The following IL23R variants were observed in gnomAD, a reference collection of about 807,000 sequenced individuals.
The protein encoded by IL23R is interleukin-23 receptor.
In IL23R, 34 loss-of-function variants were observed where a neutral mutation model predicts 56.9. The ratio of observed to expected loss-of-function variants is 0.60; its 90% confidence interval spans 0.45 to 0.80. IL23R has a LOEUF of 0.80. Ranked by LOEUF, IL23R falls within the 30% of genes least tolerant of loss-of-function variation. The pLI, the probability that IL23R is intolerant of heterozygous loss-of-function variation, is 0.00. For synonymous variants in IL23R, 230 were observed against 249.2 expected (o/e 0.92, Z 0.73); for missense variants, 635 against 730.0 (o/e 0.87, Z 1.50).
chr1:67,186,555 C>T (rs1395538009), intron 4 of IL23R, among the ~76,000 whole-genome samples: 1 of 152,142 alleles, frequency 6.6e-6, no homozygotes, highest in African/African-American at 2.4e-5. Context: ...GATTTGCCTA[C>T]ACTGGACACT....
intron 7 of IL23R, among the ~76,000 whole-genome samples, chr1:67,227,888 G>A (rs1359623396): frequency 6.6e-6 from 1 of 152,144 alleles, no homozygotes; most frequent in Non-Finnish European, 1.5e-5. Context: ...AAACAATTCA[G>A]AAGAGTTCCA....
In IL23R at chr1:67,151,097, C is replaced by T. The variant is rs373851825; in HGVS notation, c.-634+11936C>T. 1.6e-4 allele frequency among the ~76,000 whole-genome samples: 25 copies of T among 152,254 alleles called. 1 individual carries two copies. The highest frequency in any genetic ancestry group is 7.2e-4 in the Admixed American group (11 of 15,284). On this transcript the variant is annotated intron_variant, in intron 1 of 10. Coordinates refer to the IL23R transcript ENST00000637002. ...CAGTGTGAAAGCATTCCTATTTCTC[C>T]GCAGCCTCACCAGCATCTATTGTTT...
At chr1:67,168,785 C>T (rs1308987354) in intron 2 of IL23R, among the ~76,000 whole-genome samples, 2 of 152,066 alleles carry the variant, frequency 1.3e-5, no homozygotes, top group African/African-American at 4.8e-5. Context: ...AGTAGGAGAG[C>T]TAATTATATT....
At chr1:67,230,490 T>C (rs763883008) in intron 7 of IL23R, among the ~76,000 whole-genome samples, 9 of 152,212 alleles carry the variant, frequency 5.9e-5, no homozygotes, top group Non-Finnish European at 1.0e-4. Context: ...CTCTGTATGG[T>C]CCTTGTCATT....
intron 1 of IL23R, among the ~76,000 whole-genome samples, chr1:67,155,381 A>G (rs558658944): frequency 6.6e-6 from 1 of 152,104 alleles, no homozygotes; most frequent in Non-Finnish European, 1.5e-5. Context: ...ATCCTGAAAT[A>G]TGTTTTCCAA....
chr1:67,168,062 A>G (rs1281780684), intron 1 of IL23R, 30 bp from the exon 2 acceptor site: 1 of 1,219,772 alleles, frequency 8.2e-7, no homozygotes, highest in Non-Finnish European at 1.2e-6. Flanking sequence ...AAATACTACA[A>G]TTTAAACATT....
At chr1:67,202,402 A>C (rs532134495) in intron 5 of IL23R, among the ~76,000 whole-genome samples, 1 of 152,160 alleles carries the variant, frequency 6.6e-6, no homozygotes, top group African/African-American at 2.4e-5. Flanking sequence ...ATGGCTATAT[A>C]GATTTTTGTA....
At chr1:67,208,634 A>G (rs866114274) in intron 6 of IL23R, among the ~76,000 whole-genome samples, 10 of 152,272 alleles carry the variant, frequency 6.6e-5, no homozygotes, top group Admixed American at 1.3e-4. Flanking sequence ...AGGTTTGGGA[A>G]CCTCCACCTA....
intron 1 of IL23R, among the ~76,000 whole-genome samples, chr1:67,150,861 G>C (rs549462177): frequency 6.6e-6 from 1 of 152,088 alleles, no homozygotes; most frequent in Non-Finnish European, 1.5e-5. Context: ...TCATTGATGG[G>C]TATTTGGGTT....
chr1:67,182,919 C>G lies in IL23R; in HGVS notation c.451C>G (p.Leu151Val). ...NMTCTWNAGK[L>V]TYIDTKYVVH... ...GACTTGCACCTGGAATGCTGGGAAG[C>G]TCACCTACATAGACACAAAATACGT... is the stretch of plus-strand genomic sequence containing the variant. Residue 151 changes from leucine to valine, a missense_variant, in exon 4 of 11, where the codon CTC becomes GTC. Leu to Val is a conservative substitution (Grantham distance 32, BLOSUM62 1). Coordinates refer to ENST00000347310, the MANE Select transcript of IL23R (RefSeq NM_144701.3). 1 of 1,614,134 alleles carries G rather than the reference C, an allele frequency of 6.2e-7. No individual in the cohort carries two copies. The highest frequency in any genetic ancestry group is 8.5e-7 in the Non-Finnish European group (1 of 1,179,984).
intron 6 of IL23R, among the ~76,000 whole-genome samples, chr1:67,209,323 T>C (rs1364809479): frequency 6.6e-6 from 1 of 152,178 alleles, no homozygotes; most frequent in Non-Finnish European, 1.5e-5. Flanking sequence ...GACACGAATT[T>C]GGAGGGGCCA....
intron 7 of IL23R, among the ~76,000 whole-genome samples, chr1:67,233,746 T>A (rs1281805866): frequency 6.6e-6 from 1 of 152,132 alleles, no homozygotes; most frequent in African/African-American, 2.4e-5. Flanking sequence ...TATTCAAGTA[T>A]GTCCTGTGAG....
upstream of IL23R, among the ~76,000 whole-genome samples, chr1:67,162,133 A>G (rs1646827452): frequency 1.3e-5 from 2 of 152,000 alleles, no homozygotes; most frequent in Admixed American, 1.3e-4. Context: ...TATAAATTTT[A>G]TCCAATGTTT....
rs78543478 is a variant in IL23R, at chr1:67,167,734, T to G, written c.-29-358T>G. Reference sequence around the variant, plus strand: ...GCCTGGCCCTTGTCTCTAAAAAAATTTAAAACATAAAATAAAAAAAGAAGT... The same window carrying G: ...GCCTGGCCCTTGTCTCTAAAAAAATGTAAAACATAAAATAAAAAAAGAAGT... On this transcript the variant is annotated intron_variant, in intron 1 of 10. Coordinates refer to ENST00000347310, the MANE Select transcript of IL23R (RefSeq NM_144701.3). 3.9e-5 allele frequency among the ~76,000 whole-genome samples: 6 copies of G among 152,126 alleles called. No homozygotes were observed. The East Asian group carries it at 1.2e-3, about 29-fold the overall frequency.
At chr1:67,154,776 TAG>T (rs1431056645) in intron 1 of IL23R, among the ~76,000 whole-genome samples, 11 of 152,212 alleles carry the variant, frequency 7.2e-5, no homozygotes, top group Non-Finnish European at 1.6e-4. Context: ...TTGGGGCATT[TAG>T]CCCATTTACA....
intron 6 of IL23R, among the ~76,000 whole-genome samples, chr1:67,213,413 T>C (rs1315639205): frequency 6.6e-6 from 1 of 152,076 alleles, no homozygotes; most frequent in Non-Finnish European, 1.5e-5. Flanking sequence ...AAAGTCACAG[T>C]ATTGAGGGTG....
In IL23R at chr1:67,259,102, A is replaced by G. The variant is rs369367934; in HGVS notation, c.1864A>G (p.Asn622Asp). The G allele has an allele frequency of 1.2e-6, 2 of 1,613,798 alleles. No individual in the cohort carries two copies. The highest frequency in any genetic ancestry group is 1.7e-5 in the Admixed American group (1 of 59,960). The change falls in exon 11 of 11, where the codon AAT becomes GAT. Residue 622 changes from asparagine (N) to aspartate (D), a missense_variant. Asn to Asp is a conservative substitution (Grantham distance 23, BLOSUM62 1). Coordinates refer to ENST00000347310, the MANE Select transcript of IL23R (RefSeq NM_144701.3). ...ACAAAATATTTTGGAAAGCCACTTC[A>G]ATAGGATTTCACTCTTGGAAAAGTA... is the stretch of plus-strand genomic sequence containing the variant. ...FPQNILESHFNRISLLEK is the reference protein window; with the variant it reads ...FPQNILESHFDRISLLEK
chr1:67,196,776 TA>T (rs1444446636), intron 4 of IL23R, among the ~76,000 whole-genome samples: 3 of 152,130 alleles, frequency 2.0e-5, no homozygotes, highest in Non-Finnish European at 4.4e-5. Context: ...TTTTAATGCT[TA>T]AAAAAATGCT....
chr1:67,236,742 C>A lies in IL23R; in HGVS notation c.985C>A (p.His329Asn), dbSNP rs759109559. ...VPQVTSKAFQHDTWNSGLTVA... is the reference protein window; with the variant it reads ...VPQVTSKAFQNDTWNSGLTVA... ...CCAGGTCACATCAAAAGCATTCCAA[C>A]ATGACACATGGAATTCTGGGCTAAC... is the stretch of plus-strand genomic sequence containing the variant. Residue 329 changes from histidine (H) to asparagine (N), a missense_variant, in exon 8 of 11, where the codon CAT becomes AAT. Transcript: ENST00000347310. 10 of 1,613,326 alleles carry A rather than the reference C, an allele frequency of 6.2e-6. No individual in the cohort carries two copies. In the Admixed American group the frequency reaches 1.7e-4, roughly 27 times the overall value.
Sources: allele counts gnomAD v4.1 joint callset (sites outside exome capture counted in the v4.1 genomes callset), GRCh38; gene constraint gnomAD v4.1.1; transcripts MANE v1.5; gene names NCBI Gene and HGNC (gene_info 2026-07-23, HGNC 2026-07-21).